The following FYTTD1 variants were observed in gnomAD, a reference collection of about 807,000 sequenced individuals.
The protein encoded by FYTTD1 is forty-two-three domain containing 1, also known as UAP56-interacting factor.
FYTTD1 carries 22 observed loss-of-function variants against 40.9 expected under a neutral mutation model. The ratio of observed to expected loss-of-function variants is 0.54; its 90% CI spans 0.38 to 0.77. The LOEUF (loss-of-function observed/expected upper bound fraction) is 0.77. FYTTD1 is among the 30% of genes least tolerant of loss of function. The pLI, the probability that FYTTD1 is intolerant of heterozygous loss-of-function variation, is 0.00. For synonymous variants in FYTTD1, 140 were observed against 137.9 expected (o/e 1.01, Z -0.10); for missense variants, 351 against 392.2 (o/e 0.90, Z 0.89).
chr3:197,787,335 C>A lies in FYTTD1; in HGVS notation c.*5426C>A, dbSNP rs1235918484. ...GCCAGTCTAGTCTCAAACTCCTGACCTCAGGTGATATGCCCGCCTCTGACT... is the reference window on the plus strand; with the variant it reads ...GCCAGTCTAGTCTCAAACTCCTGACATCAGGTGATATGCCCGCCTCTGACT... On this transcript the variant is annotated 3_prime_UTR_variant, in exon 9 of 9. Transcript: ENST00000241502. 6.6e-6 allele frequency: 1 copy of A among 152,100 alleles called. No homozygotes were observed. The highest frequency in any genetic ancestry group is 1.5e-5 in the Non-Finnish European group (1 of 68,094). 9.4% of individuals were successfully genotyped at this position (152,100 alleles called of 1,614,324 possible). A position where few individuals can be genotyped will look rare whatever the true frequency, so the allele number is the denominator to read the frequency against.
chr3:197,759,492 C>T (rs932212763), intron 2 of FYTTD1, among the ~76,000 whole-genome samples: 1 of 151,062 alleles, frequency 6.6e-6, no homozygotes, highest in African/African-American at 2.4e-5. Flanking sequence ...AGTTGTTCCT[C>T]AGTGGTAGAA....
In FYTTD1 at chr3:197,749,922, C is replaced by T; in HGVS notation, c.-50C>T. 7.8e-7 allele frequency: 1 copy of T among 1,279,868 alleles called. No individual in the cohort carries two copies. The highest frequency in any genetic ancestry group is 1.4e-5 in the South Asian group (1 of 70,326). The allele number at this position is 1,279,868 out of a possible 1,614,324, so 79.3% of individuals were successfully genotyped here. On this transcript the variant is annotated 5_prime_UTR_variant, in exon 1 of 9. Coordinates refer to ENST00000241502, the MANE Select transcript of FYTTD1 (RefSeq NM_032288.7). ...CGTGCGCGAGTGGGAGGTGGCAGGCCTGCGACTCCGGCCTTGTCCGCGCCC... is the reference window on the plus strand; with the variant it reads ...CGTGCGCGAGTGGGAGGTGGCAGGCTTGCGACTCCGGCCTTGTCCGCGCCC...
At chr3:197,774,709 C>T (rs576620433) in intron 6 of FYTTD1, among the ~76,000 whole-genome samples, 2 of 151,628 alleles carry the variant, frequency 1.3e-5, no homozygotes, top group African/African-American at 2.4e-5. Context: ...ATCGCCAGTG[C>T]ACACCAGCCT....
chr3:197,786,039 A>G lies in FYTTD1; in HGVS notation c.*4130A>G, dbSNP rs1238487328. 6.6e-6 allele frequency: 1 copy of G among 151,038 alleles called. No individual in the cohort carries two copies. The highest frequency in any genetic ancestry group is 1.5e-5 in the Non-Finnish European group (1 of 67,748). 9.4% of individuals were successfully genotyped at this position (151,038 alleles called of 1,614,324 possible). Reference sequence around the variant, plus strand: ...TAGGGATTTAAAGATTTACTTAGAAATTGTAGACTTCTAATATCTTTTATT... The same window carrying G: ...TAGGGATTTAAAGATTTACTTAGAAGTTGTAGACTTCTAATATCTTTTATT... On this transcript the variant is annotated 3_prime_UTR_variant, in exon 9 of 9. Coordinates refer to ENST00000241502, the MANE Select transcript of FYTTD1 (RefSeq NM_032288.7).
At chr3:197,749,657 G>A (rs1367218138), upstream of FYTTD1, 1 of 805,024 alleles carries the variant, frequency 1.2e-6, no homozygotes, top group East Asian at 4.6e-5. Context: ...AGAGGTGCCC[G>A]CGGTCTAGCA....
rs191983820 is a variant in FYTTD1 at position 197,771,321 on chromosome 3, C to T, written c.497+1077C>T. Among the ~76,000 whole-genome samples the T allele has an allele frequency of 1.2e-4, 18 of 152,226 alleles. No individual in the cohort carries two copies. The South Asian group carries it at 1.2e-3, about 11-fold the overall frequency. On this transcript the variant is annotated intron_variant, in intron 4 of 8. Coordinates refer to ENST00000241502, the MANE Select transcript of FYTTD1 (RefSeq NM_032288.7). Reference sequence around the variant, plus strand: ...TTTCAAGTATTATTTATTTATCTTTCGTGGAAGATAAGTCAGCAAAAAAAA... The same window carrying T: ...TTTCAAGTATTATTTATTTATCTTTTGTGGAAGATAAGTCAGCAAAAAAAA...
chr3:197,762,727 A>G (rs1276470782), intron 2 of FYTTD1, among the ~76,000 whole-genome samples: 1 of 143,274 alleles, frequency 7.0e-6, no homozygotes, highest in Non-Finnish European at 1.5e-5. Context: ...CTAAAAATAC[A>G]AAAAATTAGC....
At chr3:197,773,874 C>G in intron 5 of FYTTD1, among the ~76,000 whole-genome samples, 1 of 146,126 alleles carries the variant, frequency 6.8e-6, no homozygotes, top group East Asian at 1.9e-4. Flanking sequence ...CTCACGCACA[C>G]GCCCCACTGG....
At chr3:197,780,015 G>A (rs547797037) in intron 8 of FYTTD1, among the ~76,000 whole-genome samples, 18 of 108,922 alleles carry the variant, frequency 1.7e-4, no homozygotes, top group African/African-American at 5.3e-4. Flanking sequence ...GGCACACACT[G>A]CCACACCTGG....
intron 6 of FYTTD1, 138 bp from the exon 7 acceptor site, chr3:197,776,789 C>A (rs1580468072): frequency 3.5e-6 from 2 of 577,278 alleles, no homozygotes; most frequent in East Asian, 2.9e-5. Context: ...TTTATTATAT[C>A]ATGGTGGGGT....
At chr3:197,766,954 AAGAC>A (rs1359749659) in intron 2 of FYTTD1, among the ~76,000 whole-genome samples, 6 of 152,240 alleles carry the variant, frequency 3.9e-5, no homozygotes, top group African/African-American at 1.4e-4. Context: ...AAAGACTAGA[AAGAC>A]AGAATGTCAG....
At chr3:197,775,075 GCTTTTT>G (rs1368901344) in intron 6 of FYTTD1, among the ~76,000 whole-genome samples, 1 of 152,008 alleles carries the variant, frequency 6.6e-6, no homozygotes, top group African/African-American at 2.4e-5. Flanking sequence ...TAATGAAACA[GCTTTTT>G]CTTTTTCTTT....
At chr3:197,768,289 A>T in intron 2 of FYTTD1, 150 bp from the exon 3 acceptor site, 2 of 548,130 alleles carry the variant, frequency 3.6e-6, no homozygotes, top group Non-Finnish European at 5.9e-6. Context: ...TTGCCTTTTT[A>T]AAATGAAGTA....
At chr3:197,781,246 G>A (rs913988625) in intron 8 of FYTTD1, among the ~76,000 whole-genome samples, 9 of 151,730 alleles carry the variant, frequency 5.9e-5, no homozygotes, top group Admixed American at 2.0e-4. Flanking sequence ...CCCAGGAGGC[G>A]GAAGTTGCAA....
At chr3:197,763,363 G>A (rs1421786202) in intron 2 of FYTTD1, 8 of 279,370 alleles carry the variant, frequency 2.9e-5, no homozygotes, top group East Asian at 1.2e-4. Context: ...GCGGTGAGCC[G>A]AGATCGCACC....
chr3:197,771,730 T>C (rs1580462199), intron 4 of FYTTD1, among the ~76,000 whole-genome samples: 1 of 118,142 alleles, frequency 8.5e-6, no homozygotes, highest in South Asian at 2.8e-4. Context: ...TGAGCCGAGA[T>C]CCCGCCACTG....
chr3:197,755,611 A>AATTTATTT (rs10554264), intron 1 of FYTTD1: 5,576 of 201,044 alleles, frequency 0.028, 116 homozygotes, highest in African/African-American at 0.041. Flanking sequence ...ATACCCGGCT[A>AATTTATTT]ATTTATTTAT....
At position 197,784,678 on chromosome 3, in the gene FYTTD1, C is replaced by G. The variant is rs1207664398; in HGVS notation, c.*2769C>G. ...TGGTGACATGTGCCTGTGGTCCCAGCTACTTGGGAGGCTGAGGCGGGAGAA... is the reference window on the plus strand; with the variant it reads ...TGGTGACATGTGCCTGTGGTCCCAGGTACTTGGGAGGCTGAGGCGGGAGAA... On this transcript the variant is annotated 3_prime_UTR_variant, in exon 9 of 9. Coordinates refer to ENST00000241502, the MANE Select transcript of FYTTD1 (RefSeq NM_032288.7). The G allele has an allele frequency of 6.6e-6, 1 of 152,232 alleles. No homozygotes were observed. The highest frequency in any genetic ancestry group is 1.5e-5 in the Non-Finnish European group (1 of 68,126). 9.4% of individuals were successfully genotyped at this position (152,232 alleles called of 1,614,324 possible).
rs985221785 is a variant in FYTTD1 at position 197,785,803 on chromosome 3, G to C, written c.*3894G>C. On this transcript the variant is annotated 3_prime_UTR_variant, in exon 9 of 9. Coordinates refer to ENST00000241502, the MANE Select transcript of FYTTD1 (RefSeq NM_032288.7). ...TTAAAGCAGAAAATAATTCATTTCT[G>C]ATCAGTAGTGCTTTCAGTTTTCATC... is the stretch of plus-strand genomic sequence containing the variant. 1.2e-4 allele frequency: 19 copies of C among 152,014 alleles called. No individual in the cohort carries two copies. Among genetic ancestry groups the C allele is most frequent in the African/African-American group, 4.6e-4 (19 of 41,398 alleles). 9.4% of individuals were successfully genotyped at this position (152,014 alleles called of 1,614,324 possible).
Sources: allele counts gnomAD v4.1 joint callset (sites outside exome capture counted in the v4.1 genomes callset), GRCh38; gene constraint gnomAD v4.1.1; transcripts MANE v1.5; gene names NCBI Gene and HGNC (gene_info 2026-07-23, HGNC 2026-07-21).